RANBP2: variants seen among roughly 807,000 people sequenced by gnomAD.
RANBP2 encodes E3 SUMO-protein ligase RanBP2.
RANBP2 carries 57 observed loss-of-function variants against 303.6 expected under a neutral mutation model. The ratio of observed to expected loss-of-function variants is 0.19; its 90% CI spans 0.15 to 0.23. The LOEUF (loss-of-function observed/expected upper bound fraction) is 0.23. RANBP2 is among the 10% of genes least tolerant of loss of function. The pLI is 1.00. For missense variants in RANBP2, 3,138 were observed against 3,780.8 expected, an observed-to-expected ratio of 0.83 and a Z score of 4.46; for synonymous variants, 1,167 against 1,301.5, an observed-to-expected ratio of 0.90 and a Z score of 2.23.
chr2:109,708,460 G>A, the RANBP2 span, among the ~76,000 whole-genome samples: 1 of 151,110 alleles, frequency 6.6e-6, no homozygotes, highest in Non-Finnish European at 1.5e-5. Context: ...GAGTTCAAGA[G>A]CAGCCCGGGC....
the RANBP2 span, among the ~76,000 whole-genome samples, chr2:109,233,293 G>A: frequency 6.6e-6 from 1 of 152,304 alleles, no homozygotes; most frequent in Non-Finnish European, 1.5e-5. Flanking sequence ...ATTGAGTGAT[G>A]GAGGTGGCTC....
chr2:109,613,822 G>T, the RANBP2 span: 1 of 1,236,938 alleles, frequency 8.1e-7, no homozygotes, highest in Non-Finnish European at 1.0e-6. Context: ...CCTCGGAGGA[G>T]GCCATGGTCG....
At chr2:108,921,955 C>T in the RANBP2 span, among the ~76,000 whole-genome samples, 1 of 152,250 alleles carries the variant, frequency 6.6e-6, no homozygotes, top group Non-Finnish European at 1.5e-5. Context: ...TTCAGTAAAG[C>T]AGGCAAGGGC....
the RANBP2 span, among the ~76,000 whole-genome samples, chr2:109,579,196 T>C: frequency 1.3e-5 from 2 of 152,192 alleles, no homozygotes; most frequent in Non-Finnish European, 2.9e-5. Flanking sequence ...GACAGATTCC[T>C]GGAAAATTAT....
the RANBP2 span, among the ~76,000 whole-genome samples, chr2:109,116,392 C>T: frequency 6.6e-6 from 1 of 152,224 alleles, no homozygotes; most frequent in African/African-American, 2.4e-5. Context: ...CATCTTCCAT[C>T]ACTGATACCC....
At chr2:109,657,341 A>G in the RANBP2 span, among the ~76,000 whole-genome samples, 1 of 152,084 alleles carries the variant, frequency 6.6e-6, no homozygotes, top group South Asian at 2.1e-4. Context: ...CCAGGTACCC[A>G]GGAGGCTGAG....
At chr2:109,345,072 C>T in the RANBP2 span, among the ~76,000 whole-genome samples, 1 of 152,092 alleles carries the variant, frequency 6.6e-6, no homozygotes, top group Non-Finnish European at 1.5e-5. Context: ...AGACAGAATC[C>T]CCGTGACTCA....
At position 108,771,810 on chromosome 2, in the gene RANBP2, TC is replaced by T; in HGVS notation, c.7961del (p.Pro2654LeufsTer76). On this transcript the variant is annotated frameshift_variant, in exon 21 of 29. Transcript: ENST00000283195. LOFTEE classifies it high-confidence loss of function. ...AAGCCCTTGCAACCAAACTTAAACT[TC>T]CTCCAACTTTCTTCTGCTACAAGAA... The part of the protein sequence containing the change: ...QKALATKLKL[P>X]PTFFCYKNRP... 6.2e-7 allele frequency: 1 copy of T among 1,614,058 alleles called. No individual in the cohort carries two copies. The highest frequency in any genetic ancestry group is 8.5e-7 in the Non-Finnish European group (1 of 1,179,952).
the RANBP2 span, chr2:109,614,081 A>G: frequency 8.3e-7 from 1 of 1,211,040 alleles, no homozygotes; most frequent in East Asian, 3.4e-5. Context: ...GCTACCCTCG[A>G]CGCCTGAGGA....
chr2:109,629,206 A>ATAAATAAATAAG, the RANBP2 span, among the ~76,000 whole-genome samples: 1 of 122,980 alleles, frequency 8.1e-6, no homozygotes, highest in Non-Finnish European at 1.7e-5. Context: ...CGTCTCAAAA[A>ATAAATAAATAAG]TAAATAAATA....
the RANBP2 span, among the ~76,000 whole-genome samples, chr2:109,760,555 G>A: frequency 7.1e-6 from 1 of 141,538 alleles, no homozygotes; most frequent in Non-Finnish European, 1.5e-5. Context: ...CCGGCCCGGA[G>A]TCGGGGGCGG....
At chr2:109,499,923 G>C in the RANBP2 span, among the ~76,000 whole-genome samples, 1 of 152,208 alleles carries the variant, frequency 6.6e-6, no homozygotes, top group South Asian at 2.1e-4. Flanking sequence ...AAGTGACTGG[G>C]GGTTTCCAAG....
chr2:109,370,566 C>G, the RANBP2 span, among the ~76,000 whole-genome samples: 1 of 152,132 alleles, frequency 6.6e-6, no homozygotes, highest in Non-Finnish European at 1.5e-5. Context: ...CTTGTTACAG[C>G]TGTTTTCTCC....
the RANBP2 span, among the ~76,000 whole-genome samples, chr2:108,964,279 T>C: frequency 1.3e-5 from 2 of 152,056 alleles, no homozygotes. Context: ...TTTTCTGAGG[T>C]CCACCGGTGA....
chr2:109,338,221 C>T, the RANBP2 span, among the ~76,000 whole-genome samples: 22 of 152,234 alleles, frequency 1.4e-4, no homozygotes, highest in African/African-American at 4.6e-4. Context: ...TTAACTCATT[C>T]GATCTCACAT....
At chr2:109,490,826 T>G in the RANBP2 span, 1 of 1,536,906 alleles carries the variant, frequency 6.5e-7, no homozygotes, top group African/African-American at 1.4e-5. Flanking sequence ...GGATGGAGCC[T>G]CTGCACAGGA....
At chr2:109,018,701 T>C in the RANBP2 span, among the ~76,000 whole-genome samples, 1 of 152,218 alleles carries the variant, frequency 6.6e-6, no homozygotes, top group Non-Finnish European at 1.5e-5. Flanking sequence ...TCCATCCCCT[T>C]TCCACTGGCA....
chr2:109,354,776 T>A, the RANBP2 span, among the ~76,000 whole-genome samples: 1 of 152,264 alleles, frequency 6.6e-6, no homozygotes, highest in Non-Finnish European at 1.5e-5. Flanking sequence ...TCTGTGTCTG[T>A]GGCTTTCCTT....
the RANBP2 span, among the ~76,000 whole-genome samples, chr2:109,596,750 G>T: frequency 6.6e-6 from 1 of 151,928 alleles, no homozygotes. Flanking sequence ...TTCATTTACT[G>T]TGTTTCTGAA....
Sources: allele counts gnomAD v4.1 joint callset (sites outside exome capture counted in the v4.1 genomes callset), GRCh38; gene constraint gnomAD v4.1.1; transcripts MANE v1.5; gene names NCBI Gene and HGNC (gene_info 2026-07-23, HGNC 2026-07-21).